SRGAP3: variants seen among roughly 807,000 people sequenced by gnomAD.
The protein encoded by SRGAP3 is SLIT-ROBO Rho GTPase activating protein 3.
Under a neutral mutation model 121.1 loss-of-function variants are expected in SRGAP3, and 39 were observed. The ratio of observed to expected loss-of-function variants is 0.32; its 90% CI spans 0.25 to 0.42. The LOEUF (loss-of-function observed/expected upper bound fraction) is 0.42, where lower values mean the gene tolerates loss of function less well. Among genes scored for constraint, SRGAP3 ranks in the 10% least tolerant of loss-of-function variants. The pLI, the probability that SRGAP3 is intolerant of heterozygous loss-of-function variation, is 1.00. For synonymous variants in SRGAP3, 601 were observed against 570.0 expected (o/e 1.05, Z -0.77); for missense variants, 1,213 against 1,470.6 (o/e 0.82, Z 2.86).
At chr3:9,205,261 C>A (rs1300892593) in intron 1 of SRGAP3, among the ~76,000 whole-genome samples, 1 of 151,962 alleles carries the variant, frequency 6.6e-6, no homozygotes, top group Non-Finnish European at 1.5e-5. Context: ...ACAATATGTC[C>A]AAAATAGTAT....
rs1056775128 is a variant in SRGAP3, at chr3:8,998,394, A to T, written c.2228-3871T>A. Among the ~76,000 whole-genome samples, 22 of 152,228 alleles carry T rather than the reference A, an allele frequency of 1.4e-4. No individual in the cohort carries two copies. In the East Asian group the frequency reaches 4.3e-3, roughly 29 times the overall value. ...TCATTGCCTTACCAAGGCCTTTCCC[A>T]GCCGCTCCCAACTGCAAGAGCCCCA... On this transcript the variant is annotated intron_variant, in intron 18 of 21. Transcript: ENST00000383836.
chr3:9,277,469 A>C (rs942796635), intron 3 of SRGAP3, among the ~76,000 whole-genome samples: 4 of 151,826 alleles, frequency 2.6e-5, no homozygotes, highest in African/African-American at 9.7e-5. Flanking sequence ...TTAGCTGGGC[A>C]TAGTGGTATG....
rs572990619 is a variant in SRGAP3, at chr3:9,315,561, T to C, written n.442+10449A>G. Reference sequence around the variant, plus strand: ...CTGCTGGGGATGGGAGACAATAACCTCTTACGTGAAGTTTATAGTTCTAAA... The same window carrying C: ...CTGCTGGGGATGGGAGACAATAACCCCTTACGTGAAGTTTATAGTTCTAAA... On this transcript the variant is annotated intron_variant and non_coding_transcript_variant, in intron 3 of 3. Transcript: ENST00000490889. 1.1e-4 allele frequency among the ~76,000 whole-genome samples: 16 copies of C among 152,256 alleles called. No individual in the cohort carries two copies. In the South Asian group the frequency reaches 3.1e-3, roughly 30 times the overall value.
chr3:9,070,324 T>G (rs999361951), intron 4 of SRGAP3, among the ~76,000 whole-genome samples: 1 of 150,278 alleles, frequency 6.7e-6, no homozygotes, highest in Non-Finnish European at 1.5e-5. Flanking sequence ...GGGCTGTCCC[T>G]GGGCACAGTG....
At chr3:9,038,781 C>G (rs1050736245) in intron 10 of SRGAP3, among the ~76,000 whole-genome samples, 4 of 152,216 alleles carry the variant, frequency 2.6e-5, no homozygotes, top group Admixed American at 2.0e-4. Context: ...CCCCTCTGTC[C>G]TTCTGGGGGC....
intron 3 of SRGAP3, among the ~76,000 whole-genome samples, chr3:9,301,399 G>A (rs1002725408): frequency 6.6e-6 from 1 of 152,248 alleles, no homozygotes; most frequent in African/African-American, 2.4e-5. Flanking sequence ...AGGAAGAGGG[G>A]AAGGTGGCCC....
intron 18 of SRGAP3, among the ~76,000 whole-genome samples, chr3:8,997,719 T>C (rs1340054505): frequency 6.6e-6 from 1 of 152,196 alleles, no homozygotes; most frequent in East Asian, 1.9e-4. Flanking sequence ...TGAACATGCA[T>C]GGAACACAAC....
At chr3:9,097,350 A>AT (rs1309435760) in intron 3 of SRGAP3, among the ~76,000 whole-genome samples, 1 of 152,090 alleles carries the variant, frequency 6.6e-6, no homozygotes, top group East Asian at 1.9e-4. Context: ...ATTTCATATC[A>AT]TTTTTTAGTC....
intron 1 of SRGAP3, chr3:9,349,689 T>G (rs1288215863): frequency 6.5e-6 from 1 of 153,242 alleles, no homozygotes; most frequent in African/African-American, 2.4e-5. Context: ...ATTTAGTTTA[T>G]GTGTTACATT....
chr3:9,225,952 C>A (rs1952974463), intron 1 of SRGAP3, among the ~76,000 whole-genome samples: 2 of 152,216 alleles, frequency 1.3e-5, no homozygotes, highest in Non-Finnish European at 2.9e-5. Flanking sequence ...CTCATTTTTA[C>A]AAGTTGGCAT....
intron 2 of SRGAP3, among the ~76,000 whole-genome samples, chr3:9,115,448 A>T (rs1240676434): frequency 6.6e-6 from 1 of 152,206 alleles, no homozygotes; most frequent in Non-Finnish European, 1.5e-5. Context: ...AAGTATATGC[A>T]TGCATAAAGA....
chr3:9,030,718 G>A (rs1253773304), intron 12 of SRGAP3, among the ~76,000 whole-genome samples: 1 of 152,178 alleles, frequency 6.6e-6, no homozygotes, highest in East Asian at 1.9e-4. Context: ...ATATCTACTT[G>A]TCAAGTACTG....
At chr3:9,106,520 C>T (rs1282207881) in intron 2 of SRGAP3, among the ~76,000 whole-genome samples, 2 of 152,158 alleles carry the variant, frequency 1.3e-5, no homozygotes, top group Admixed American at 6.5e-5. Context: ...TGGTTTTGTC[C>T]CCACCCAAAT....
rs1248923155 is a variant in SRGAP3, at chr3:9,109,692, T to C, written c.261-4850A>G. Among the ~76,000 whole-genome samples, 1 of 152,110 alleles carries C rather than the reference T, an allele frequency of 6.6e-6. No homozygotes were observed. Among genetic ancestry groups the C allele is most frequent in the Non-Finnish European group, 1.5e-5 (1 of 68,026 alleles). The stretch of plus-strand genomic sequence containing the variant: ...CAGTGCAGTCATGGGAAGGAGGCTA[T>C]GGAGCAGAGAGGAGCCTCCTTCCCC... On this transcript the variant is annotated intron_variant, in intron 2 of 21. Coordinates refer to ENST00000383836, the MANE Select transcript of SRGAP3 (RefSeq NM_014850.4). This position sits in a 1 kb window ranked among gnomAD's most constrained non-coding sequence, Gnocchi z 4.4.
chr3:9,358,820 G>C (rs1223465253), intron 1 of SRGAP3, among the ~76,000 whole-genome samples: 1 of 152,196 alleles, frequency 6.6e-6, no homozygotes, highest in Non-Finnish European at 1.5e-5. Context: ...AAAGGATACA[G>C]ATGAAGAGAT....
chr3:8,986,723 A>C (rs1941726122), intron 21 of SRGAP3, among the ~76,000 whole-genome samples: 4 of 147,826 alleles, frequency 2.7e-5, no homozygotes, highest in Admixed American at 2.0e-4. Context: ...TCTGTATTAT[A>C]ATCAGAAAAT....
At chr3:9,348,681 G>A in intron 1 of SRGAP3, 1 of 1,106,852 alleles carries the variant, frequency 9.0e-7, no homozygotes, top group Non-Finnish European at 1.4e-6. Flanking sequence ...GTGGCTGCCA[G>A]TAGTGAGGAT....
intron 18 of SRGAP3, among the ~76,000 whole-genome samples, chr3:9,008,595 G>T (rs866212116): frequency 6.6e-6 from 1 of 152,014 alleles, no homozygotes; most frequent in Non-Finnish European, 1.5e-5. Context: ...GTCGGCAGAA[G>T]AAAAAAAGGA....
At chr3:9,360,234 A>G (rs1165995723) in intron 1 of SRGAP3, among the ~76,000 whole-genome samples, 1 of 152,200 alleles carries the variant, frequency 6.6e-6, no homozygotes, top group East Asian at 1.9e-4. Flanking sequence ...CAGTTTGTGT[A>G]CAAGTTTTTG....
Sources: allele counts gnomAD v4.1 joint callset (sites outside exome capture counted in the v4.1 genomes callset), GRCh38; gene constraint gnomAD v4.1.1; non-coding constraint Gnocchi (gnomAD v3.1); transcripts MANE v1.5; gene names NCBI Gene and HGNC (gene_info 2026-07-23, HGNC 2026-07-21).